Variants in FSHR observed in about 807,000 individuals in gnomAD.
The protein encoded by FSHR is follicle stimulating hormone receptor.
A neutral mutation model predicts 52.1 loss-of-function variants in FSHR; 46 were observed. The observed-to-expected ratio is 0.88, with a 90% CI of 0.70 to 1.13. The LOEUF is 1.13. Ranked by LOEUF, FSHR falls within the 50% of genes most tolerant of loss-of-function variation. The probability of loss-of-function intolerance (pLI) is 0.00; values close to 1 mark genes in which losing one functional copy is unlikely to be tolerated. For missense variants in FSHR, 964 were observed against 834.6 expected (o/e 1.16, Z -1.91); for synonymous variants, 399 against 309.6 (o/e 1.29, Z -3.03).
chr2:49,084,010 A>G (rs1438803956), intron 1 of FSHR, among the ~76,000 whole-genome samples: 3 of 151,538 alleles, frequency 2.0e-5, no homozygotes, highest in Admixed American at 2.0e-4. Flanking sequence ...AGACATCTAC[A>G]GAACTCTCCA....
intron 1 of FSHR, among the ~76,000 whole-genome samples, chr2:49,105,826 G>T (rs932586703): frequency 2.6e-5 from 4 of 152,066 alleles, no homozygotes; most frequent in African/African-American, 9.7e-5. Context: ...CACCATGTGA[G>T]GCTGGCTGTA....
intron 4 of FSHR, among the ~76,000 whole-genome samples, chr2:48,999,889 G>C (rs1483066576): frequency 6.6e-6 from 1 of 152,058 alleles, no homozygotes; most frequent in Non-Finnish European, 1.5e-5. Flanking sequence ...GTGTTTCCTA[G>C]TTCAACCTTG....
At chr2:49,115,526 G>C (rs920925283) in intron 1 of FSHR, among the ~76,000 whole-genome samples, 3 of 152,154 alleles carry the variant, frequency 2.0e-5, no homozygotes, top group African/African-American at 2.4e-5. Context: ...TGTGAGAAGA[G>C]GAGGAAACTG....
intron 1 of FSHR, among the ~76,000 whole-genome samples, chr2:49,113,116 A>G (rs1048019962): frequency 6.6e-6 from 1 of 152,124 alleles, no homozygotes; most frequent in African/African-American, 2.4e-5. Flanking sequence ...GATGGAGACA[A>G]TGTGGTAAGG....
chr2:48,975,586 G>C (rs954711134), intron 8 of FSHR, among the ~76,000 whole-genome samples: 4 of 152,162 alleles, frequency 2.6e-5, no homozygotes, highest in Admixed American at 2.6e-4. Context: ...CTTGCAGATA[G>C]CCTATCATGG....
At chr2:49,034,838 C>T (rs892865853) in intron 2 of FSHR, among the ~76,000 whole-genome samples, 1 of 152,124 alleles carries the variant, frequency 6.6e-6, no homozygotes, top group Non-Finnish European at 1.5e-5. Context: ...TAGTCTAGAC[C>T]TAGCATTTCT....
intron 6 of FSHR, among the ~76,000 whole-genome samples, chr2:48,987,184 T>C (rs1433929445): frequency 6.6e-6 from 1 of 151,708 alleles, no homozygotes; most frequent in Admixed American, 6.6e-5. Flanking sequence ...CTTTGTATTA[T>C]TATTTTTATT....
intron 9 of FSHR, among the ~76,000 whole-genome samples, chr2:48,967,794 G>C (rs1033827441): frequency 1.3e-5 from 2 of 152,192 alleles, no homozygotes; most frequent in African/African-American, 4.8e-5. Context: ...GTATGTTAAA[G>C]GTTGAATAAT....
intron 2 of FSHR, among the ~76,000 whole-genome samples, chr2:49,031,590 A>T (rs989117904): frequency 6.6e-6 from 1 of 152,174 alleles, no homozygotes. Flanking sequence ...GTGCATTTTC[A>T]TTAATGCACT....
Position 48,969,819 on chromosome 2 carries a change from G to A in FSHR, c.669-936C>T, listed in dbSNP as rs550667593. On this transcript the variant is annotated intron_variant, in intron 8 of 9. Coordinates refer to ENST00000406846, the MANE Select transcript of FSHR (RefSeq NM_000145.4). ...CCTTTCTGGCAGCAGCACCAGTGAT[G>A]TGGGCGCTTTTCTGGCAGCACCACT... Among the ~76,000 whole-genome samples, 3 of 152,340 alleles carry A rather than the reference G, an allele frequency of 2.0e-5. No individual in the cohort carries two copies. In the South Asian group the frequency reaches 6.2e-4, roughly 32 times the overall value.
chr2:49,028,347 G>T (rs536638456), intron 2 of FSHR, among the ~76,000 whole-genome samples: 1 of 152,288 alleles, frequency 6.6e-6, no homozygotes, highest in East Asian at 1.9e-4. Context: ...ACTCATATTT[G>T]TCTTGGTTGA....
At chr2:48,973,999 G>A (rs1316469916) in intron 8 of FSHR, among the ~76,000 whole-genome samples, 1 of 152,178 alleles carries the variant, frequency 6.6e-6, no homozygotes. Context: ...TATTGAGTAA[G>A]TAGTTGTCTG....
intron 1 of FSHR, among the ~76,000 whole-genome samples, chr2:49,076,872 C>G (rs56402028): frequency 6.6e-6 from 1 of 152,194 alleles, no homozygotes; most frequent in African/African-American, 2.4e-5. Flanking sequence ...CCAAAATGAT[C>G]TGTTTTGACT....
chr2:49,080,810 T>G (rs1356323753), intron 1 of FSHR, among the ~76,000 whole-genome samples: 1 of 152,138 alleles, frequency 6.6e-6, no homozygotes, highest in Non-Finnish European at 1.5e-5. Context: ...ACCTTTCATA[T>G]GCAAACCAAC....
chr2:49,090,571 A>G (rs1239301534), intron 1 of FSHR, among the ~76,000 whole-genome samples: 3 of 152,240 alleles, frequency 2.0e-5, no homozygotes, highest in Admixed American at 1.3e-4. Context: ...TAGAGCTGCT[A>G]TAAACACTTA....
intron 1 of FSHR, among the ~76,000 whole-genome samples, chr2:49,100,194 A>G (rs1670976600): frequency 6.6e-6 from 1 of 152,154 alleles, no homozygotes. Flanking sequence ...GTAAAGTTGC[A>G]TAGCTATATA....
At chr2:49,045,734 T>C (rs1469817900) in intron 2 of FSHR, among the ~76,000 whole-genome samples, 1 of 152,202 alleles carries the variant, frequency 6.6e-6, no homozygotes, top group Non-Finnish European at 1.5e-5. Flanking sequence ...ACTGCTTGGA[T>C]TAGACATCCA....
chr2:49,043,089 A>G (rs548125140), intron 2 of FSHR, among the ~76,000 whole-genome samples: 1 of 152,180 alleles, frequency 6.6e-6, no homozygotes, highest in Non-Finnish European at 1.5e-5. Context: ...GACATCAGGA[A>G]AACACTGTTG....
rs556189177 is a variant in FSHR at position 49,121,409 on chromosome 2, G to T, written c.152+32857C>A. On this transcript the variant is annotated intron_variant, in intron 1 of 9. Coordinates refer to ENST00000406846, the MANE Select transcript of FSHR (RefSeq NM_000145.4). ...ACTGTAAAGTACCCTGTAAATGGTA[G>T]CTATTATGAATTAAAAGAGCTCTCA... 3.9e-5 allele frequency among the ~76,000 whole-genome samples: 6 copies of T among 152,286 alleles called. No homozygotes were observed. The East Asian group carries it at 1.2e-3, about 29-fold the overall frequency.
Sources: gnomAD v4.1 joint callset for allele counts (sites outside exome capture counted in the v4.1 genomes callset) on GRCh38, gnomAD v4.1.1 for gene constraint, MANE v1.5 for transcripts, NCBI Gene and HGNC (gene_info 2026-07-23, HGNC 2026-07-21) for gene names.